Variants in AOPEP observed in about 807,000 individuals in gnomAD.
AOPEP encodes aminopeptidase O (putative).
AOPEP carries 77 observed loss-of-function variants against 98.1 expected under a neutral mutation model. The ratio of observed to expected loss-of-function variants is 0.78; its 90% CI spans 0.65 to 0.95. The LOEUF (loss-of-function observed/expected upper bound fraction) is 0.95. Ranked by LOEUF, AOPEP falls within the 40% of genes least tolerant of loss-of-function variation. The probability of loss-of-function intolerance (pLI) is 0.00; values close to 1 mark genes in which losing one functional copy is unlikely to be tolerated. For missense variants in AOPEP, 1,024 were observed against 1,024.7 expected (o/e 1.00, Z 0.01); for synonymous variants, 346 against 365.3 (o/e 0.95, Z 0.60).
intron 1 of AOPEP, among the ~76,000 whole-genome samples, chr9:94,758,896 C>G (rs1564078427): frequency 6.7e-6 from 1 of 149,170 alleles, no homozygotes; most frequent in African/African-American, 2.4e-5. Flanking sequence ...TAATTTCTCT[C>G]CTTCCTTTTA....
At chr9:95,019,432 T>C (rs934633811) in intron 13 of AOPEP, 2 of 152,180 alleles carry the variant, frequency 1.3e-5, no homozygotes, top group Non-Finnish European at 2.9e-5. Flanking sequence ...GCTGATTTTG[T>C]TTCTTTTTTT....
intron 13 of AOPEP, among the ~76,000 whole-genome samples, chr9:95,018,629 C>T (rs182953484): frequency 4.6e-5 from 7 of 152,308 alleles, no homozygotes; most frequent in South Asian, 2.1e-4. Flanking sequence ...CTTTCAAAAT[C>T]ATCTGTTCTT....
At chr9:94,818,963 C>T (rs1310636713) in intron 5 of AOPEP, among the ~76,000 whole-genome samples, 1 of 152,228 alleles carries the variant, frequency 6.6e-6, no homozygotes, top group Non-Finnish European at 1.5e-5. Context: ...CACTGCACTC[C>T]AGCCTGGGCG....
At chr9:95,107,611 G>C in the AOPEP span, 1 of 415,396 alleles carries the variant, frequency 2.4e-6, no homozygotes, top group East Asian at 4.4e-5. Flanking sequence ...TTGAAGACTC[G>C]CCTATCACAG....
chr9:95,114,587 C>A, the AOPEP span: 2 of 1,546,786 alleles, frequency 1.3e-6, no homozygotes, highest in Non-Finnish European at 1.8e-6. Context: ...TCTAGGGAAA[C>A]CATGTGTGAA....
At chr9:95,016,520 G>A (rs1589274335) in intron 13 of AOPEP, among the ~76,000 whole-genome samples, 1 of 152,208 alleles carries the variant, frequency 6.6e-6, no homozygotes, top group South Asian at 2.1e-4. Context: ...TGGGATTACA[G>A]GTGTGAGCCA....
intron 13 of AOPEP, among the ~76,000 whole-genome samples, chr9:95,013,761 A>G (rs1402993044): frequency 6.6e-6 from 1 of 152,132 alleles, no homozygotes; most frequent in East Asian, 1.9e-4. Flanking sequence ...TAAATAAGAA[A>G]TCCTTGGTTC....
At chr9:95,104,478 C>A in the AOPEP span, among the ~76,000 whole-genome samples, 1 of 152,166 alleles carries the variant, frequency 6.6e-6, no homozygotes, top group African/African-American at 2.4e-5. Context: ...CCGTGTGGAT[C>A]CGCAGCAGGG....
At chr9:95,142,795 G>A in the AOPEP span, among the ~76,000 whole-genome samples, 2 of 152,142 alleles carry the variant, frequency 1.3e-5, no homozygotes, top group Admixed American at 1.3e-4. Context: ...TCAGAGACTC[G>A]TATGTCAGTC....
chr9:95,106,877 A>G, the AOPEP span, among the ~76,000 whole-genome samples: 1 of 152,128 alleles, frequency 6.6e-6, no homozygotes, highest in Non-Finnish European at 1.5e-5. Flanking sequence ...TTTCTCTTCT[A>G]TGACATAAAG....
At chr9:94,734,113 C>T (rs143032695) in intron 1 of AOPEP, among the ~76,000 whole-genome samples, 234 of 152,050 alleles carry the variant, frequency 1.5e-3, no homozygotes, top group African/African-American at 5.3e-3. Context: ...TGAGTTTATA[C>T]TTGAGCTTAT....
chr9:94,910,620 T>C (rs769853216), intron 5 of AOPEP, among the ~76,000 whole-genome samples: 2 of 152,158 alleles, frequency 1.3e-5, no homozygotes, highest in African/African-American at 2.4e-5. Flanking sequence ...TGGTCGAGGG[T>C]CCAGCTCTTT....
At chr9:94,910,230 AT>A (rs1289004907) in intron 5 of AOPEP, among the ~76,000 whole-genome samples, 1 of 152,090 alleles carries the variant, frequency 6.6e-6, no homozygotes, top group Non-Finnish European at 1.5e-5. Flanking sequence ...TCCCTGGCAG[AT>A]TGTGAACCGA....
chr9:94,981,495 G>A (rs1004347011), intron 11 of AOPEP, among the ~76,000 whole-genome samples: 8 of 152,138 alleles, frequency 5.3e-5, no homozygotes, highest in African/African-American at 1.2e-4. Context: ...CTGATTTAGC[G>A]CATGATTGGT....
rs1187635994 is a variant in AOPEP at position 94,744,513 on chromosome 9, C to T, written c.-135-15136C>T. 4.6e-5 allele frequency among the ~76,000 whole-genome samples: 7 copies of T among 151,680 alleles called. No individual in the cohort carries two copies. The East Asian group carries it at 1.4e-3, about 29-fold the overall frequency. ...GTTGGGAGTTCGAGACCAGCCTGAC[C>T]AACATGGAGAAACCCCGTCTCTAGT... On this transcript the variant is annotated intron_variant, in intron 1 of 16. Coordinates refer to ENST00000375315, the MANE Select transcript of AOPEP (RefSeq NM_001193329.3).
At chr9:95,106,074 T>C in the AOPEP span, among the ~76,000 whole-genome samples, 1 of 152,334 alleles carries the variant, frequency 6.6e-6, no homozygotes, top group South Asian at 2.1e-4. Context: ...ACGACGTTAA[T>C]GTCCCCACCG....
intron 13 of AOPEP, among the ~76,000 whole-genome samples, chr9:95,013,400 A>G (rs2062720064): frequency 8.9e-6 from 1 of 112,268 alleles, no homozygotes; most frequent in Non-Finnish European, 1.8e-5. Flanking sequence ...AACTTGAAAT[A>G]TTATCCTTTT....
chr9:95,036,690 TTTC>T (rs905630733), intron 13 of AOPEP, among the ~76,000 whole-genome samples: 12 of 68,082 alleles, frequency 1.8e-4, no homozygotes, highest in African/African-American at 3.1e-4. Flanking sequence ...CTTGTTCTTC[TTTC>T]TTCTTCTTCT....
At chr9:94,803,731 C>T (rs1009848240) in intron 5 of AOPEP, among the ~76,000 whole-genome samples, 4 of 152,154 alleles carry the variant, frequency 2.6e-5, no homozygotes, top group African/African-American at 9.7e-5. Context: ...ATAACAGGAG[C>T]CATTACTAAC....
Sources: gnomAD v4.1 joint callset for allele counts (sites outside exome capture counted in the v4.1 genomes callset) on GRCh38, gnomAD v4.1.1 for gene constraint, MANE v1.5 for transcripts, NCBI Gene and HGNC (gene_info 2026-07-23, HGNC 2026-07-21) for gene names.